The following FNIP2 variants were observed in gnomAD, a reference collection of about 807,000 sequenced individuals.
FNIP2 encodes folliculin-interacting protein 2.
Under a neutral mutation model 108.7 loss-of-function variants are expected in FNIP2, and 32 were observed. The ratio of observed to expected loss-of-function variants is 0.29; its 90% CI spans 0.22 to 0.40. The LOEUF (loss-of-function observed/expected upper bound fraction) is 0.40. Among genes scored for constraint, FNIP2 ranks in the 10% least tolerant of loss-of-function variants. The probability of loss-of-function intolerance (pLI) is 1.00; values close to 1 mark genes in which losing one functional copy is unlikely to be tolerated. For synonymous variants in FNIP2, 480 were observed against 496.7 expected, an observed-to-expected ratio of 0.97 and a Z score of 0.45; for missense variants, 1,202 against 1,381.6, an observed-to-expected ratio of 0.87 and a Z score of 2.06.
At chr4:158,782,521 TTG>T (rs372401291) in intron 1 of FNIP2, among the ~76,000 whole-genome samples, 6,013 of 138,858 alleles carry the variant, frequency 0.043, 153 homozygotes, top group African/African-American at 0.047. Context: ...AGCTTCCTTT[TTG>T]TTTTTTTTTT....
At chr4:158,856,524 G>A (rs561795102) in intron 8 of FNIP2, among the ~76,000 whole-genome samples, 1 of 152,246 alleles carries the variant, frequency 6.6e-6, no homozygotes, top group South Asian at 2.1e-4. Flanking sequence ...TTGACTCTCA[G>A]GGCTGTCGGT....
intron 14 of FNIP2, chr4:158,890,331 C>A: frequency 6.1e-6 from 6 of 985,104 alleles, no homozygotes; most frequent in Non-Finnish European, 7.2e-6. Flanking sequence ...AGGGTTTTTC[C>A]TACTATTTTT....
chr4:158,891,161 C>G (rs1480015010), intron 14 of FNIP2, among the ~76,000 whole-genome samples: 1 of 152,100 alleles, frequency 6.6e-6, no homozygotes, highest in African/African-American at 2.4e-5. Context: ...AGGCAGGTCT[C>G]TCTGTCTCTG....
At position 158,797,527 on chromosome 4, in the gene FNIP2, C is replaced by T. The variant is rs553656601; in HGVS notation, c.107+28208C>T. On this transcript the variant is annotated intron_variant, in intron 1 of 16. Coordinates refer to ENST00000264433, the MANE Select transcript of FNIP2 (RefSeq NM_020840.3). The stretch of plus-strand genomic sequence containing the variant: ...CTAGCCTGGGCAACATGGTGAGACC[C>T]CATGTCTACAAAAAACACAAACATT... 4.3e-4 allele frequency among the ~76,000 whole-genome samples: 65 copies of T among 152,190 alleles called. 1 individual carries two copies. The highest frequency in any genetic ancestry group is 1.5e-3 in the African/African-American group (63 of 41,520).
chr4:158,790,664 T>G (rs975611478), intron 1 of FNIP2, among the ~76,000 whole-genome samples: 5 of 152,134 alleles, frequency 3.3e-5, no homozygotes, highest in Admixed American at 2.0e-4. Context: ...GGAGGACCAC[T>G]TGATCCCAGG....
At chr4:158,784,852 C>G (rs986712596) in intron 1 of FNIP2, among the ~76,000 whole-genome samples, 4 of 152,162 alleles carry the variant, frequency 2.6e-5, no homozygotes, top group Non-Finnish European at 5.9e-5. Context: ...TGCTCTAATT[C>G]TTCTTATATG....
At chr4:158,776,028 A>C (rs1465704167) in intron 1 of FNIP2, among the ~76,000 whole-genome samples, 1 of 152,228 alleles carries the variant, frequency 6.6e-6, no homozygotes, top group African/African-American at 2.4e-5. Flanking sequence ...TTTTATTACC[A>C]CACCTAAGAC....
At chr4:158,801,408 T>C (rs1401437054) in intron 1 of FNIP2, among the ~76,000 whole-genome samples, 1 of 152,216 alleles carries the variant, frequency 6.6e-6, no homozygotes, top group Non-Finnish European at 1.5e-5. Context: ...ATTTGACTTA[T>C]CAGTCAGTGA....
At chr4:158,882,636 A>G (rs965772690) in intron 14 of FNIP2, among the ~76,000 whole-genome samples, 1 of 152,254 alleles carries the variant, frequency 6.6e-6, no homozygotes, top group Non-Finnish European at 1.5e-5. Context: ...AGGAGACTCC[A>G]TTTTGTTCTG....
chr4:158,863,226 A>G (rs1780394452), intron 12 of FNIP2, among the ~76,000 whole-genome samples: 2 of 152,250 alleles, frequency 1.3e-5, no homozygotes. Context: ...CCGAGTTTCC[A>G]TTATTACAAA....
At position 158,886,968 on chromosome 4, in the gene FNIP2, C is replaced by T. The variant is rs567759022; in HGVS notation, c.2950-4478C>T. Among the ~76,000 whole-genome samples, 14 of 152,320 alleles carry T rather than the reference C, an allele frequency of 9.2e-5. No homozygotes were observed. The South Asian group carries it at 2.9e-3, about 32-fold the overall frequency. On this transcript the variant is annotated intron_variant, in intron 14 of 16. Coordinates refer to ENST00000264433, the MANE Select transcript of FNIP2 (RefSeq NM_020840.3). ...GTTAGCATTAAGAAGAGAAATTTTA[C>T]CAAGTAATCTTACTAAACTGACAGG...
chr4:158,875,099 A>G (rs1781191743), intron 14 of FNIP2, among the ~76,000 whole-genome samples: 1 of 151,924 alleles, frequency 6.6e-6, no homozygotes, highest in Admixed American at 6.6e-5. Flanking sequence ...AAAAAAAAAA[A>G]AAGAAAAGAA....
chr4:158,854,255 T>C (rs1779859764), intron 8 of FNIP2, among the ~76,000 whole-genome samples: 1 of 152,222 alleles, frequency 6.6e-6, no homozygotes, highest in South Asian at 2.1e-4. Context: ...GCAGACTCTA[T>C]AGGGACAGGC....
chr4:158,838,953 A>C (rs1299215461), intron 7 of FNIP2, among the ~76,000 whole-genome samples: 1 of 152,204 alleles, frequency 6.6e-6, no homozygotes, highest in African/African-American at 2.4e-5. Context: ...TCATGATTAC[A>C]CTGAGGTTGT....
intron 2 of FNIP2, among the ~76,000 whole-genome samples, chr4:158,827,950 C>T (rs1379683732): frequency 1.3e-5 from 2 of 151,660 alleles, no homozygotes; most frequent in South Asian, 2.1e-4. Flanking sequence ...GCTGCAATTG[C>T]ATTCATGTTT....
chr4:158,824,892 A>G (rs1399340807), intron 1 of FNIP2, among the ~76,000 whole-genome samples: 1 of 152,034 alleles, frequency 6.6e-6, no homozygotes. Context: ...CTGTGTTTAC[A>G]TGTCACTTCA....
chr4:158,837,046 CAG>C (rs1440225780), intron 7 of FNIP2, among the ~76,000 whole-genome samples: 1 of 152,184 alleles, frequency 6.6e-6, no homozygotes, highest in African/African-American at 2.4e-5. Context: ...CATGTGTTTA[CAG>C]AGCTTAGTGT....
Position 158,869,250 on chromosome 4 carries a change from T to C in FNIP2, c.2614T>C (p.Cys872Arg), listed in dbSNP as rs1780782627. 2 of 1,613,868 alleles carry C rather than the reference T, an allele frequency of 1.2e-6. No individual in the cohort carries two copies. Among genetic ancestry groups the C allele is most frequent in the Non-Finnish European group, 1.7e-6 (2 of 1,179,870 alleles). The change falls in exon 13 of 17, where the codon TGT becomes CGT. Residue 872 changes from cysteine (C) to arginine (R), a missense_variant. Around this residue, in one of 5 missense-constraint regions of FNIP2, gnomAD observed 878 missense variants for 990.3 expected, o/e 0.89. Transcript: ENST00000264433. ...PGLVAGANIP[C>R]GDDNKKANFR... ...CCTCGTGGCTGGTGCGAATATCCCC[T>C]GTGGGGATGACAACAAGAAGGCCAA... is the stretch of plus-strand genomic sequence containing the variant.
intron 16 of FNIP2, among the ~76,000 whole-genome samples, chr4:158,901,442 C>G (rs1464679282): frequency 2.0e-5 from 3 of 152,048 alleles, no homozygotes; most frequent in African/African-American, 7.2e-5. Flanking sequence ...ATTTCAACCT[C>G]CGTGAATCTG....
Sources: gnomAD v4.1 joint callset for allele counts (sites outside exome capture counted in the v4.1 genomes callset) on GRCh38, gnomAD v4.1.1 for gene constraint, gnomAD v4.1.1 regional missense constraint, MANE v1.5 for transcripts, NCBI Gene and HGNC (gene_info 2026-07-23, HGNC 2026-07-21) for gene names.